Variants in RBFOX2 observed in about 807,000 individuals in gnomAD.
RBFOX2 encodes RNA binding protein fox-1 homolog 2.
In RBFOX2, 10 loss-of-function variants were observed where a neutral mutation model predicts 49.1. The ratio of observed to expected loss-of-function variants is 0.20; its 90% CI spans 0.13 to 0.35. The LOEUF is 0.35. Ranked by LOEUF, RBFOX2 falls within the 10% of genes least tolerant of loss-of-function variation. The probability of loss-of-function intolerance (pLI) is 1.00; values close to 1 mark genes in which losing one functional copy is unlikely to be tolerated. For missense variants in RBFOX2, 323 were observed against 486.9 expected, an observed-to-expected ratio of 0.66 and a Z score of 3.17; for synonymous variants, 183 against 187.4, an observed-to-expected ratio of 0.98 and a Z score of 0.19.
At chr22:35,897,721 A>G in intron 1 of RBFOX2, 1 of 875,026 alleles carries the variant, frequency 1.1e-6, no homozygotes, top group Non-Finnish European at 2.0e-6. Flanking sequence ...CAAGGAAACA[A>G]GGGGTATAGC....
intron 1 of RBFOX2, among the ~76,000 whole-genome samples, chr22:35,909,245 G>A (rs1008264070): frequency 3.3e-5 from 5 of 152,112 alleles, no homozygotes; most frequent in African/African-American, 1.2e-4. Flanking sequence ...ATCGCTTGGG[G>A]CCAGGAATTT....
At chr22:35,898,157 G>T in intron 1 of RBFOX2, 10 of 745,162 alleles carry the variant, frequency 1.3e-5, no homozygotes, top group South Asian at 1.1e-4. Context: ...CACCGATAGG[G>T]TATGATCACC....
At chr22:35,980,893 C>T (rs1186896977) in intron 1 of RBFOX2, among the ~76,000 whole-genome samples, 3 of 152,116 alleles carry the variant, frequency 2.0e-5, no homozygotes, top group African/African-American at 7.2e-5. Flanking sequence ...ATCTAAGGAG[C>T]AACCTGACTT....
chr22:35,769,663 G>C (rs1468738667), intron 4 of RBFOX2, among the ~76,000 whole-genome samples: 1 of 152,042 alleles, frequency 6.6e-6, no homozygotes, highest in Non-Finnish European at 1.5e-5. Context: ...TTCCACTGTA[G>C]GATAACCCAG....
chr22:35,876,641 C>T (rs1257779281), intron 1 of RBFOX2, among the ~76,000 whole-genome samples: 2 of 151,358 alleles, frequency 1.3e-5, no homozygotes, highest in African/African-American at 4.9e-5. Flanking sequence ...AAGTCATATT[C>T]TAAAAATGCA....
At chr22:35,775,476 C>T (rs191869647) in intron 4 of RBFOX2, among the ~76,000 whole-genome samples, 6 of 152,238 alleles carry the variant, frequency 3.9e-5, no homozygotes, top group African/African-American at 1.4e-4. Context: ...TTAGATTTCT[C>T]AAAGAGAAAG....
intron 2 of RBFOX2, among the ~76,000 whole-genome samples, chr22:35,800,811 T>C (rs1949644239): frequency 6.6e-6 from 1 of 152,158 alleles, no homozygotes; most frequent in Admixed American, 6.5e-5. Context: ...AGTTTAAAAC[T>C]TAGGAAGACA....
intron 1 of RBFOX2, chr22:35,996,625 GAAAA>G (rs540436207): frequency 7.5e-6 from 1 of 133,530 alleles, no homozygotes; most frequent in South Asian, 2.4e-4. Context: ...AAAAAAAAAA[GAAAA>G]AAAAAAGCTG....
intron 2 of RBFOX2, among the ~76,000 whole-genome samples, chr22:35,792,992 G>A (rs1948075457): frequency 1.3e-5 from 2 of 152,192 alleles, no homozygotes; most frequent in African/African-American, 4.8e-5. Context: ...TCAAACTCCT[G>A]GGCTCAAGAG....
chr22:35,746,480 T>C (rs1932803612), exon 10 of RBFOX2: 2 of 1,601,984 alleles, frequency 1.2e-6, no homozygotes, highest in Non-Finnish European at 1.7e-6. Context: ...TACCCGTCAC[T>C]GTAAGCGGCT....
intron 1 of RBFOX2, among the ~76,000 whole-genome samples, chr22:35,975,062 A>G (rs1293553852): frequency 2.0e-5 from 3 of 152,248 alleles, no homozygotes; most frequent in Non-Finnish European, 2.9e-5. Context: ...ATACTTTTGT[A>G]AAGTGTAGTA....
exon 12 of RBFOX2, chr22:35,740,782 C>T (rs1318647355): frequency 6.6e-6 from 1 of 152,190 alleles, no homozygotes; most frequent in African/African-American, 2.4e-5. Flanking sequence ...TGCTTCCATC[C>T]CTGTTTGATG....
chr22:35,972,389 C>A (rs942742175), intron 1 of RBFOX2, among the ~76,000 whole-genome samples: 17 of 151,336 alleles, frequency 1.1e-4, no homozygotes, highest in Admixed American at 9.2e-4. Flanking sequence ...TAAGTCAAAC[C>A]GCTTATATTC....
At chr22:36,020,441 C>T (rs9622317) in intron 1 of RBFOX2, among the ~76,000 whole-genome samples, 8,593 of 152,024 alleles carry the variant, frequency 0.057, 306 homozygotes, top group African/African-American at 0.096. Flanking sequence ...CAAAAGAAAC[C>T]ACCATCAGAG....
chr22:35,904,265 CCT>C (rs967704792), intron 1 of RBFOX2, among the ~76,000 whole-genome samples: 18 of 152,076 alleles, frequency 1.2e-4, no homozygotes, highest in African/African-American at 4.1e-4. Flanking sequence ...GTTACTGTGC[CCT>C]GTTTATGTTC....
chr22:36,012,078 G>A (rs1053541382), intron 1 of RBFOX2, among the ~76,000 whole-genome samples: 3 of 152,052 alleles, frequency 2.0e-5, no homozygotes, highest in Admixed American at 6.6e-5. Context: ...ATAACTTTGA[G>A]ATGAAAAAAA....
In RBFOX2 at chr22:35,755,916, C is replaced by T. The variant is rs541456012; in HGVS notation, c.887+3972G>A. 1.1e-4 allele frequency among the ~76,000 whole-genome samples: 17 copies of T among 151,016 alleles called. No individual in the cohort carries two copies. The South Asian group carries it at 2.5e-3, about 22-fold the overall frequency. On this transcript the variant is annotated intron_variant, in intron 9 of 11. Coordinates refer to ENST00000405409, the Ensembl canonical transcript of RBFOX2. ...CTTAGTTTTTGCACCCAGGGGCAAG[C>T]GCAGTGGCAGAGAAGCATGCTTGCA...
intron 1 of RBFOX2, among the ~76,000 whole-genome samples, chr22:35,929,914 C>T (rs1321898873): frequency 6.6e-6 from 1 of 151,716 alleles, no homozygotes; most frequent in Non-Finnish European, 1.5e-5. Flanking sequence ...GGGAAATGTA[C>T]TAAAGCTGGA....
intron 2 of RBFOX2, among the ~76,000 whole-genome samples, chr22:35,782,283 G>A (rs1945307984): frequency 6.6e-6 from 1 of 152,070 alleles, no homozygotes; most frequent in South Asian, 2.1e-4. Flanking sequence ...GTATTATAAT[G>A]ATATTATTTA....
Sources: allele counts gnomAD v4.1 joint callset (sites outside exome capture counted in the v4.1 genomes callset), GRCh38; gene constraint gnomAD v4.1.1; transcripts MANE v1.5; gene names NCBI Gene and HGNC (gene_info 2026-07-23, HGNC 2026-07-21).